Variants in FRMD4A observed in about 807,000 individuals in gnomAD.
FRMD4A encodes FERM domain containing 4A.
Under a neutral mutation model 129.1 loss-of-function variants are expected in FRMD4A, and 29 were observed. That is an observed-to-expected ratio of 0.22 (90% CI 0.17 to 0.31). The LOEUF is 0.31. Among genes scored for constraint, FRMD4A ranks in the 10% least tolerant of loss-of-function variants. The pLI, the probability that FRMD4A is intolerant of heterozygous loss-of-function variation, is 1.00. For missense variants in FRMD4A, 1,272 were observed against 1,375.8 expected, an observed-to-expected ratio of 0.92 and a Z score of 1.19; for synonymous variants, 634 against 571.6, an observed-to-expected ratio of 1.11 and a Z score of -1.56.
At chr10:13,827,345 G>A (rs151247497) in intron 3 of FRMD4A, among the ~76,000 whole-genome samples, 28 of 152,268 alleles carry the variant, frequency 1.8e-4, no homozygotes, top group Admixed American at 1.7e-3. Flanking sequence ...ACACAAGCAC[G>A]ATCTGCGCCG....
intron 2 of FRMD4A, among the ~76,000 whole-genome samples, chr10:14,299,778 T>C (rs1009568123): frequency 6.6e-6 from 1 of 152,046 alleles, no homozygotes; most frequent in Non-Finnish European, 1.5e-5. Context: ...GCCACATGAA[T>C]AATTAAGAGC....
rs147189693 is a variant in FRMD4A, at chr10:13,929,564, T to C, written c.46-70652A>G. Among the ~76,000 whole-genome samples, 16 of 152,272 alleles carry C rather than the reference T, an allele frequency of 1.1e-4. No homozygotes were observed. In the East Asian group the frequency reaches 2.7e-3, roughly 26 times the overall value. On this transcript the variant is annotated intron_variant, in intron 2 of 24. Coordinates refer to ENST00000357447, the MANE Select transcript of FRMD4A (RefSeq NM_018027.5). ...TGGAAGGAAAATCCAGAACAACTGG[T>C]TTAAAACCTGGAATTTAGGCTTATT...
intron 24 of FRMD4A, among the ~76,000 whole-genome samples, chr10:13,649,883 T>C (rs74121351): frequency 0.048 from 7,280 of 152,242 alleles, 491 homozygotes; most frequent in African/African-American, 0.14. Flanking sequence ...CCTAAAAACC[T>C]AAGTCAGTCA....
chr10:14,294,759 A>T (rs1845956631), intron 2 of FRMD4A, among the ~76,000 whole-genome samples: 2 of 152,250 alleles, frequency 1.3e-5, no homozygotes, highest in African/African-American at 4.8e-5. Context: ...TCTTCTAAAA[A>T]ACACGAGCTT....
intron 2 of FRMD4A, among the ~76,000 whole-genome samples, chr10:14,120,631 T>C (rs146108728): frequency 2.0e-4 from 30 of 152,346 alleles, no homozygotes; most frequent in African/African-American, 7.0e-4. Flanking sequence ...ACCTTCTTCC[T>C]GAGCATGCAT....
intron 2 of FRMD4A, among the ~76,000 whole-genome samples, chr10:14,141,512 G>A (rs1839832626): frequency 6.6e-6 from 1 of 152,082 alleles, no homozygotes; most frequent in East Asian, 1.9e-4. Context: ...TCGCCCCAGG[G>A]GACACATCCT....
rs1221569152 is a variant in FRMD4A, at chr10:14,325,178, T to C, written c.45+4880A>G. ...CTTAAGACAAAACTCAATTTTATTC[T>C]ATGCTTTTTGACAGTTGGGATCTGC... On this transcript the variant is annotated intron_variant, in intron 2 of 24. Coordinates refer to ENST00000357447, the MANE Select transcript of FRMD4A (RefSeq NM_018027.5). Among the ~76,000 whole-genome samples the C allele has an allele frequency of 2.0e-5, 3 of 152,240 alleles. No homozygotes were observed. In the East Asian group the frequency reaches 5.8e-4, roughly 29 times the overall value.
chr10:13,689,838 T>C (rs2085506911), intron 15 of FRMD4A, among the ~76,000 whole-genome samples: 1 of 146,612 alleles, frequency 6.8e-6, no homozygotes, highest in Non-Finnish European at 1.5e-5. Flanking sequence ...CCCTCCTGAA[T>C]AGGCGTGAGC....
intron 2 of FRMD4A, among the ~76,000 whole-genome samples, chr10:14,314,703 C>T (rs1343965487): frequency 6.6e-6 from 1 of 152,174 alleles, no homozygotes; most frequent in Admixed American, 6.5e-5. Context: ...GAGCTTCCTT[C>T]CTTGAGTTTA....
intron 6 of FRMD4A, among the ~76,000 whole-genome samples, chr10:13,772,283 G>T (rs2092480765): frequency 6.7e-6 from 1 of 149,274 alleles, no homozygotes; most frequent in Non-Finnish European, 1.5e-5. Flanking sequence ...ACTTATACAG[G>T]TGAAATATTA....
At chr10:14,300,294 G>A (rs1846142701) in intron 2 of FRMD4A, among the ~76,000 whole-genome samples, 1 of 152,160 alleles carries the variant, frequency 6.6e-6, no homozygotes. Flanking sequence ...GAGAAGGCTT[G>A]GAGGTATGAT....
intron 2 of FRMD4A, among the ~76,000 whole-genome samples, chr10:14,244,944 G>T (rs1443078670): frequency 6.6e-6 from 1 of 152,172 alleles, no homozygotes; most frequent in Non-Finnish European, 1.5e-5. Flanking sequence ...TGATTTCTCT[G>T]CCTCACTTTA....
intron 2 of FRMD4A, among the ~76,000 whole-genome samples, chr10:13,901,595 C>T (rs1387650161): frequency 5.9e-5 from 8 of 136,516 alleles, no homozygotes; most frequent in African/African-American, 1.9e-4. Context: ...GGCAACAGAG[C>T]GAGACTTCAT....
chr10:14,169,515 C>A (rs1841365133), intron 2 of FRMD4A, among the ~76,000 whole-genome samples: 1 of 152,084 alleles, frequency 6.6e-6, no homozygotes, highest in Non-Finnish European at 1.5e-5. Context: ...CTTTCTGCTG[C>A]CAAAGACCAT....
At chr10:14,114,068 G>A (rs769867579) in intron 2 of FRMD4A, among the ~76,000 whole-genome samples, 82 of 152,158 alleles carry the variant, frequency 5.4e-4, no homozygotes, top group Non-Finnish European at 1.0e-3. Context: ...CGTACTTGTG[G>A]GTATGGCTGC....
chr10:13,907,602 G>A (rs1009982297), intron 2 of FRMD4A, among the ~76,000 whole-genome samples: 1 of 152,108 alleles, frequency 6.6e-6, no homozygotes, highest in Non-Finnish European at 1.5e-5. Flanking sequence ...ACCTCCACCT[G>A]ACAGACGAGG....
chr10:14,162,658 T>C (rs1345031631), intron 2 of FRMD4A, among the ~76,000 whole-genome samples: 1 of 148,492 alleles, frequency 6.7e-6, no homozygotes. Context: ...TTTTTTTTTT[T>C]TGTATATGTT....
chr10:14,049,070 T>C (rs1271561424), intron 2 of FRMD4A, among the ~76,000 whole-genome samples: 3 of 152,126 alleles, frequency 2.0e-5, no homozygotes, highest in Non-Finnish European at 2.9e-5. Flanking sequence ...AATCATGTAA[T>C]AAGAAGTTGA....
At chr10:14,081,960 A>T (rs900274397) in intron 2 of FRMD4A, among the ~76,000 whole-genome samples, 3 of 152,252 alleles carry the variant, frequency 2.0e-5, no homozygotes, top group African/African-American at 7.2e-5. Flanking sequence ...TCAAAAATAC[A>T]AATACAGGTT....
Sources: gnomAD v4.1 joint callset for allele counts (sites outside exome capture counted in the v4.1 genomes callset) on GRCh38, gnomAD v4.1.1 for gene constraint, MANE v1.5 for transcripts, NCBI Gene and HGNC (gene_info 2026-07-23, HGNC 2026-07-21) for gene names.